MTRF1L: variants seen among roughly 807,000 people sequenced by gnomAD.
The protein encoded by MTRF1L is peptide chain release factor 1-like, mitochondrial.
Under a neutral mutation model 40.0 loss-of-function variants are expected in MTRF1L, and 29 were observed. The ratio of observed to expected loss-of-function variants is 0.73; its 90% confidence interval spans 0.54 to 0.99. The LOEUF (loss-of-function observed/expected upper bound fraction) is 0.99, where lower values mean the gene tolerates loss of function less well. MTRF1L is among the 50% of genes least tolerant of loss of function. MTRF1L has a pLI of 0.00. For missense variants in MTRF1L, 412 were observed against 464.5 expected, an observed-to-expected ratio of 0.89 and a Z score of 1.04; for synonymous variants, 150 against 175.8, an observed-to-expected ratio of 0.85 and a Z score of 1.16.
rs774555133 is a variant in MTRF1L at position 152,990,098 on chromosome 6, G to A, written c.943-3C>T. On this transcript the variant is annotated splice_region_variant and splice_polypyrimidine_tract_variant and intron_variant, in intron 6 of 6. Coordinates refer to ENST00000367233, the MANE Select transcript of MTRF1L (RefSeq NM_019041.7). ...TCTGATCTTCCTTTACTTCCAATCT[G>A]TATATAGAGAAAAAGATGAGATGCA... 8.1e-6 allele frequency: 13 copies of A among 1,610,768 alleles called. No homozygotes were observed. Among genetic ancestry groups the A allele is most frequent in the South Asian group, 2.2e-5 (2 of 89,998 alleles).
intron 1 of MTRF1L, among the ~76,000 whole-genome samples, chr6:153,000,865 G>A (rs1337218609): frequency 3.0e-5 from 4 of 134,382 alleles, no homozygotes; most frequent in Non-Finnish European, 4.6e-5. Context: ...CAGGTACTAC[G>A]GATTTTTTTT....
At chr6:153,002,364 G>A (rs1343597020) in intron 1 of MTRF1L, 63 bp downstream of exon 1, 61 of 1,612,560 alleles carry the variant, frequency 3.8e-5, no homozygotes, top group Non-Finnish European at 5.0e-5. Flanking sequence ...TGTGGGCAGT[G>A]GAAAAGTCAA....
intron 2 of MTRF1L, 113 bp from the exon 3 acceptor site, chr6:152,995,432 T>C: frequency 2.1e-6 from 2 of 935,620 alleles, no homozygotes; most frequent in East Asian, 2.7e-5. Context: ...AAGCAAATAA[T>C]GTAATATTGC....
intron 3 of MTRF1L, 66 bp from the exon 4 acceptor site, chr6:152,994,742 C>T: frequency 6.4e-7 from 1 of 1,566,116 alleles, no homozygotes; most frequent in Non-Finnish European, 8.8e-7. Context: ...TTGACCATCA[C>T]ATCTACTATC....
At chr6:152,996,960 A>T (rs1165362322) in intron 2 of MTRF1L, among the ~76,000 whole-genome samples, 1 of 152,184 alleles carries the variant, frequency 6.6e-6, no homozygotes, top group East Asian at 1.9e-4. Flanking sequence ...CACAGGCTCT[A>T]GTTTGAGGTA....
Position 152,998,489 on chromosome 6 carries a change from T to A in MTRF1L, c.339+61A>T, listed in dbSNP as rs1265501741. The A allele has an allele frequency of 2.3e-6, 3 of 1,276,700 alleles. No individual in the cohort carries two copies. The Admixed American group carries it at 8.1e-5, about 34-fold the overall frequency. The allele number at this position is 1,276,700 out of a possible 1,614,324, so 79.1% of individuals were successfully genotyped here. The stretch of plus-strand genomic sequence containing the variant: ...GCTAGTCACTTGTTTTTATAAACCT[T>A]TAATAAACTTTAATGCCTAAGAATA... On this transcript the variant is annotated intron_variant, in intron 2 of 6. Coordinates refer to ENST00000367233, the MANE Select transcript of MTRF1L (RefSeq NM_019041.7).
chr6:153,002,320 C>T (rs1004433904), intron 1 of MTRF1L, 107 bp downstream of exon 1: 6 of 1,540,218 alleles, frequency 3.9e-6, no homozygotes, highest in Admixed American at 1.7e-5. Flanking sequence ...ATAAAAACGG[C>T]TGCAAGTGAG....
chr6:153,002,043 A>T (rs1778935766), intron 1 of MTRF1L, among the ~76,000 whole-genome samples: 1 of 152,236 alleles, frequency 6.6e-6, no homozygotes, highest in Non-Finnish European at 1.5e-5. Context: ...TAGGTCTGAG[A>T]TTCTGAGTCC....
At chr6:153,001,517 T>C (rs913325093) in intron 1 of MTRF1L, among the ~76,000 whole-genome samples, 1 of 152,212 alleles carries the variant, frequency 6.6e-6, no homozygotes, top group South Asian at 2.1e-4. Flanking sequence ...CAGGTATTTT[T>C]AACTTAATAT....
chr6:153,002,676 G>A lies in MTRF1L; in HGVS notation c.10C>T (p.Arg4Trp). 15 of 1,489,808 alleles carry A rather than the reference G, an allele frequency of 1.0e-5. No homozygotes were observed. Among genetic ancestry groups the A allele is most frequent in the South Asian group, 1.3e-5 (1 of 74,076 alleles). The allele number at this position is 1,489,808 out of a possible 1,614,324, so 92.3% of individuals were successfully genotyped here. The change falls in exon 1 of 7, where the codon CGG (arginine) becomes TGG (tryptophan). Residue 4 changes from arginine (R) to tryptophan (W), a missense_variant. Arg to Trp is a moderately radical substitution (Grantham distance 101). Coordinates refer to ENST00000367233, the MANE Select transcript of MTRF1L (RefSeq NM_019041.7). ...CACCGGGCAGCGCCCCACAGAACCC[G>A]GGACCGCATCCTTAGTCCGAGATCG... MRSRVLWGAARWLW... is the reference protein window; with the variant it reads MRSWVLWGAARWLW...
At chr6:153,001,447 CTA>C (rs766022611) in intron 1 of MTRF1L, among the ~76,000 whole-genome samples, 1 of 152,148 alleles carries the variant, frequency 6.6e-6, no homozygotes, top group African/African-American at 2.4e-5. Context: ...AATTTTTCTC[CTA>C]TGTCAGTAAT....
intron 4 of MTRF1L, among the ~76,000 whole-genome samples, chr6:152,993,299 T>C (rs1562299767): frequency 6.6e-6 from 1 of 152,068 alleles, no homozygotes; most frequent in African/African-American, 2.4e-5. Flanking sequence ...ACTGAATGTT[T>C]AAGGTTTTTT....
chr6:153,002,446 C>T lies in MTRF1L; in HGVS notation c.240G>A (p.Glu80=). ...CCTTACCGTGCAGCAAGTGCTCAGT[C>T]TCCCGCAGCTCCCGCTCCTTCTCGT... ...LLNEKERELR[E]TEHLLHDENE... The change falls in exon 1 of 7, where the codon GAG becomes GAA. Residue 80 remains glutamate (E), a synonymous_variant. Coordinates refer to ENST00000367233, the MANE Select transcript of MTRF1L (RefSeq NM_019041.7). The T allele has an allele frequency of 1.2e-6, 2 of 1,613,974 alleles. No homozygotes were observed. Among genetic ancestry groups the T allele is most frequent in the Non-Finnish European group, 1.7e-6 (2 of 1,179,874 alleles).
intron 1 of MTRF1L, among the ~76,000 whole-genome samples, chr6:153,000,612 C>T (rs979859175): frequency 1.3e-5 from 2 of 152,064 alleles, no homozygotes; most frequent in African/African-American, 2.4e-5. Context: ...TAAATGGGTC[C>T]TTTTCTTTTC....
At position 152,994,655 on chromosome 6, in the gene MTRF1L, G is replaced by A. The variant is rs778449821; in HGVS notation, c.545C>T (p.Ala182Val). The change falls in exon 4 of 7, where the codon GCC becomes GTC. Residue 182 changes from alanine to valine, a missense_variant. Ala to Val is a moderately conservative substitution (Grantham distance 64). Transcript: ENST00000367233. ...ATAGGCTTCTGAACCCCCAATGCTGGCAGATGCATGTCTAAGGCCACCTTG... is the reference window on the plus strand; with the variant it reads ...ATAGGCTTCTGAACCCCCAATGCTGACAGATGCATGTCTAAGGCCACCTTG... ...SELGGLRHAS[A>V]SIGGSEAYRH... 3.7e-6 allele frequency: 6 copies of A among 1,613,906 alleles called. No individual in the cohort carries two copies. The African/African-American group carries it at 6.7e-5, about 18-fold the overall frequency.
intron 1 of MTRF1L, 137 bp downstream of exon 1, chr6:153,002,290 G>A: frequency 7.6e-7 from 1 of 1,313,128 alleles, no homozygotes; most frequent in Non-Finnish European, 1.1e-6. Context: ...ACGTAATGAT[G>A]TCCTGACCTC....
chr6:152,994,426 C>A, intron 4 of MTRF1L, 87 bp downstream of exon 4: 2 of 1,338,274 alleles, frequency 1.5e-6, no homozygotes, highest in Non-Finnish European at 2.0e-6. Context: ...CAAATAGATA[C>A]TCAATTCAGT....
chr6:152,993,454 T>A (rs534696876), intron 4 of MTRF1L, among the ~76,000 whole-genome samples: 1 of 152,284 alleles, frequency 6.6e-6, no homozygotes, highest in South Asian at 2.1e-4. Context: ...CAAGAAGTCA[T>A]GAGTCTCAAT....
In MTRF1L at chr6:152,995,220, A is replaced by T; in HGVS notation, c.439T>A (p.Ser147Thr). The change falls in exon 3 of 7, where the codon TCA becomes ACA. Residue 147 changes from serine to threonine, a missense_variant. By Grantham distance (58) the Ser-to-Thr change is moderately conservative. Coordinates refer to ENST00000367233, the MANE Select transcript of MTRF1L (RefSeq NM_019041.7). ...VGGQEAMLFT[S>T]EIFDMYQQYA... is the part of the protein sequence containing the mutation. ...TGCTGATACATATCAAATATCTCTGATGTAAACAACATTGCCTCCTGACCT... is the reference window on the plus strand; with the variant it reads ...TGCTGATACATATCAAATATCTCTGTTGTAAACAACATTGCCTCCTGACCT... 2.5e-6 allele frequency: 4 copies of T among 1,610,150 alleles called. No individual in the cohort carries two copies. Among genetic ancestry groups the T allele is most frequent in the Non-Finnish European group, 3.4e-6 (4 of 1,177,666 alleles).
Sources: allele counts gnomAD v4.1 joint callset (sites outside exome capture counted in the v4.1 genomes callset), GRCh38; gene constraint gnomAD v4.1.1; transcripts MANE v1.5; gene names NCBI Gene and HGNC (gene_info 2026-07-23, HGNC 2026-07-21).